FBXL14: variants seen among roughly 807,000 people sequenced by gnomAD.
The protein encoded by FBXL14 is F-box and leucine rich repeat protein 14.
FBXL14 carries 11 observed loss-of-function variants against 24.5 expected under a neutral mutation model. The ratio of observed to expected loss-of-function variants is 0.45; its 90% CI spans 0.28 to 0.74. The LOEUF is 0.74. Among genes scored for constraint, FBXL14 ranks in the 30% least tolerant of loss-of-function variants. The pLI, the probability that FBXL14 is intolerant of heterozygous loss-of-function variation, is 0.12. For synonymous variants in FBXL14, 294 were observed against 240.4 expected (o/e 1.22, Z -2.06); for missense variants, 384 against 545.6 (o/e 0.70, Z 2.95).
intron 1 of FBXL14, among the ~76,000 whole-genome samples, chr12:1,573,060 G>C (rs2094448165): frequency 6.6e-6 from 1 of 152,086 alleles, no homozygotes; most frequent in South Asian, 2.1e-4. Flanking sequence ...GTTTAATTTT[G>C]GGCTCCTATG....
At chr12:1,573,311 C>T (rs2094448652) in intron 1 of FBXL14, among the ~76,000 whole-genome samples, 1 of 152,184 alleles carries the variant, frequency 6.6e-6, no homozygotes, top group African/African-American at 2.4e-5. Context: ...ACGTTAGTAT[C>T]TGGTGTTACA....
In FBXL14 at chr12:1,593,587, G is replaced by C. The variant is rs753710566; in HGVS notation, c.480C>G (p.Gly160=). 34 of 1,614,188 alleles carry C rather than the reference G, an allele frequency of 2.1e-5. No homozygotes were observed. The Admixed American group carries it at 5.7e-4, about 27-fold the overall frequency. Residue 160 remains glycine (G), a synonymous_variant, in exon 1 of 2, where the codon GGC becomes GGG. Transcript: ENST00000339235. This position sits in a 1 kb window ranked among gnomAD's most constrained non-coding sequence, Gnocchi z 7.4. ...GCAGACCCCAGGCGATGAGCAGAAG[G>C]CCAGTGTTGGTGATGTTGCTGCAAC... ...LGGCSNITNT[G]LLLIAWGLQR...
At chr12:1,578,986 T>TA (rs1398440192) in intron 1 of FBXL14, among the ~76,000 whole-genome samples, 5 of 152,004 alleles carry the variant, frequency 3.3e-5, no homozygotes, top group African/African-American at 4.8e-5. Flanking sequence ...GAAAAGCTCT[T>TA]ACAACATTTT....
intron 1 of FBXL14, among the ~76,000 whole-genome samples, chr12:1,580,575 C>A (rs112381974): frequency 6.6e-6 from 1 of 152,056 alleles, no homozygotes; most frequent in Non-Finnish European, 1.5e-5. Context: ...CTCTAGTAAT[C>A]CCTTAAAAAA....
chr12:1,585,863 A>G (rs1480201113), intron 1 of FBXL14, among the ~76,000 whole-genome samples: 1 of 152,252 alleles, frequency 6.6e-6, no homozygotes, highest in Non-Finnish European at 1.5e-5. Flanking sequence ...TCTACTTTAT[A>G]AAAGGATTGT....
rs537602645 is a variant in FBXL14 at position 1,567,131 on chromosome 12, T to A, written c.1195-321A>T. 2.0e-5 allele frequency among the ~76,000 whole-genome samples: 3 copies of A among 152,014 alleles called. No homozygotes were observed. In the South Asian group the frequency reaches 6.3e-4, roughly 32 times the overall value. ...CTTTACAGCAGCTGCCTTTACCCGG[T>A]CACAGCCACTATCAAGAAAAAGATA... On this transcript the variant is annotated intron_variant, in intron 1 of 1. Coordinates refer to ENST00000339235, the MANE Select transcript of FBXL14 (RefSeq NM_152441.3). The surrounding 1 kb of genome is among the most constrained non-coding windows in gnomAD (Gnocchi z 4.8).
At chr12:1,582,201 AAAGAAAGAGAAAG>A (rs974949644) in intron 1 of FBXL14, among the ~76,000 whole-genome samples, 1 of 151,840 alleles carries the variant, frequency 6.6e-6, no homozygotes, top group African/African-American at 2.4e-5. Context: ...GAAAAGGAAG[AAAGAAAGAGAAAG>A]AAGAAAGAAA....
intron 1 of FBXL14, among the ~76,000 whole-genome samples, chr12:1,591,588 C>T (rs1042321361): frequency 1.3e-5 from 2 of 152,154 alleles, no homozygotes; most frequent in African/African-American, 4.8e-5. Flanking sequence ...AAATATACAT[C>T]CTACTCAGAA....
chr12:1,571,302 A>G (rs2094445117), intron 1 of FBXL14, among the ~76,000 whole-genome samples: 1 of 152,036 alleles, frequency 6.6e-6, no homozygotes, highest in Non-Finnish European at 1.5e-5. Context: ...TCTGCCTCCC[A>G]GGTTCAAGCG....
chr12:1,578,952 G>C (rs758276542), intron 1 of FBXL14, among the ~76,000 whole-genome samples: 1 of 151,938 alleles, frequency 6.6e-6, no homozygotes, highest in Non-Finnish European at 1.5e-5. Context: ...ATGTAAAGTC[G>C]GGTGAAGCTT....
intron 1 of FBXL14, among the ~76,000 whole-genome samples, chr12:1,568,627 G>A (rs917451899): frequency 6.6e-6 from 1 of 152,108 alleles, no homozygotes; most frequent in African/African-American, 2.4e-5. Context: ...ATATTACAAG[G>A]GATGAGGGGA....
At position 1,594,175 on chromosome 12, in the gene FBXL14, G is replaced by GCCGCCGCCGCCT; in HGVS notation, c.-110_-109insAGGCGGCGGCGG. The GCCGCCGCCGCCT allele has an allele frequency of 1.1e-6, 1 of 925,150 alleles. No individual in the cohort carries two copies. The allele number at this position is 925,150 out of a possible 1,614,324, so 57.3% of individuals were successfully genotyped here. A position where few individuals can be genotyped will look rare whatever the true frequency, so the allele number is the denominator to read the frequency against. Reference sequence around the variant, plus strand: ...CTCCCCAGCCGCCGCCGCCGCCGCCGCCGCCGCCTCGGGCCCAACGGCCGG... The same window carrying GCCGCCGCCGCCT: ...CTCCCCAGCCGCCGCCGCCGCCGCCGCCGCCGCCGCCTCCGCCGCCTCGGGCCCAACGGCCGG... On this transcript the variant is annotated 5_prime_UTR_variant, in exon 1 of 2. Transcript: ENST00000339235.
chr12:1,573,463 T>C (rs905266412), intron 1 of FBXL14, among the ~76,000 whole-genome samples: 1 of 152,176 alleles, frequency 6.6e-6, no homozygotes, highest in African/African-American at 2.4e-5. Context: ...GTCAGCTGAA[T>C]GCCACCCCAG....
chr12:1,586,182 G>GTTTTTT (rs79133793), intron 1 of FBXL14, among the ~76,000 whole-genome samples: 1,844 of 137,742 alleles, frequency 0.013, 40 homozygotes, highest in African/African-American at 0.046. Flanking sequence ...AGCATTTGGG[G>GTTTTTT]TTTTTTTTTT....
intron 1 of FBXL14, among the ~76,000 whole-genome samples, chr12:1,583,339 GA>G (rs1225915612): frequency 6.6e-6 from 1 of 151,024 alleles, no homozygotes; most frequent in African/African-American, 2.4e-5. Context: ...ATCTAAGAAG[GA>G]TTTGTATGAA....
rs575012200 is a variant in FBXL14, at chr12:1,575,224, T to C, written c.1195-8414A>G. ...AAGATCCCCTACAGCTCCATCCTCC[T>C]TTGCTCACTGGGTTTGCTGTATTTC... is the stretch of plus-strand genomic sequence containing the variant. On this transcript the variant is annotated intron_variant, in intron 1 of 1. Coordinates refer to ENST00000339235, the MANE Select transcript of FBXL14 (RefSeq NM_152441.3). Among the ~76,000 whole-genome samples, 74 of 152,312 alleles carry C rather than the reference T, an allele frequency of 4.9e-4. 1 individual carries two copies. The highest frequency in any genetic ancestry group is 1.6e-3 in the African/African-American group (65 of 41,568).
chr12:1,594,585 C>T (rs1462612851), upstream of FBXL14, among the ~76,000 whole-genome samples: 1 of 148,892 alleles, frequency 6.7e-6, no homozygotes, highest in Admixed American at 6.7e-5. Flanking sequence ...GCTTTTCAAA[C>T]CTCCCAGCCC....
At chr12:1,570,795 A>G (rs1246508550) in intron 1 of FBXL14, among the ~76,000 whole-genome samples, 4 of 152,088 alleles carry the variant, frequency 2.6e-5, no homozygotes, top group Admixed American at 6.5e-5. Context: ...CATCGAGACC[A>G]AGCGGTAGTA....
chr12:1,569,404 T>A lies in FBXL14; in HGVS notation c.1195-2594A>T, dbSNP rs1164112969. 6.6e-6 allele frequency among the ~76,000 whole-genome samples: 1 copy of A among 150,980 alleles called. No individual in the cohort carries two copies. The highest frequency in any genetic ancestry group is 1.5e-5 in the Non-Finnish European group (1 of 67,562). ...ATAAGAAACCACTTCGTTCTTTTTT[T>A]TTTTTTTTTTGTCTGAGACGGAGTC... is the stretch of plus-strand genomic sequence containing the variant. On this transcript the variant is annotated intron_variant, in intron 1 of 1. Transcript: ENST00000339235. This position sits in a 1 kb window ranked among gnomAD's most constrained non-coding sequence, Gnocchi z 4.2.
Sources: allele counts gnomAD v4.1 joint callset (sites outside exome capture counted in the v4.1 genomes callset), GRCh38; gene constraint gnomAD v4.1.1; non-coding constraint Gnocchi (gnomAD v3.1); transcripts MANE v1.5; gene names NCBI Gene and HGNC (gene_info 2026-07-23, HGNC 2026-07-21).